The following RAB3C variants were observed in gnomAD, a reference collection of about 807,000 sequenced individuals.
RAB3C encodes the protein RAB3C, member RAS oncogene family, also known as ras-related protein Rab-3C.
A neutral mutation model predicts 26.4 loss-of-function variants in RAB3C; 17 were observed. The observed-to-expected ratio is 0.64, with a 90% CI of 0.44 to 0.97. The LOEUF (loss-of-function observed/expected upper bound fraction) is 0.97. Ranked by LOEUF, RAB3C falls within the 50% of genes least tolerant of loss-of-function variation. The pLI is 0.00. For missense variants in RAB3C, 242 were observed against 281.9 expected, an observed-to-expected ratio of 0.86 and a Z score of 1.01; for synonymous variants, 91 against 95.9, an observed-to-expected ratio of 0.95 and a Z score of 0.30.
At chr5:58,671,054 C>T (rs902654765) in intron 2 of RAB3C, among the ~76,000 whole-genome samples, 2 of 152,014 alleles carry the variant, frequency 1.3e-5, no homozygotes, top group Non-Finnish European at 2.9e-5. Flanking sequence ...TGTAAAGTGG[C>T]CAGATTGAAT....
chr5:58,642,384 T>G (rs1339272263), intron 2 of RAB3C, among the ~76,000 whole-genome samples: 10 of 152,214 alleles, frequency 6.6e-5, no homozygotes, highest in Non-Finnish European at 1.3e-4. Context: ...ACCTGAGCTT[T>G]CTTTCTCTCT....
At chr5:58,696,124 T>C (rs1293167756) in intron 2 of RAB3C, among the ~76,000 whole-genome samples, 1 of 152,242 alleles carries the variant, frequency 6.6e-6, no homozygotes, top group African/African-American at 2.4e-5. Context: ...TAAGAATTTT[T>C]AGCAGGAAGA....
At chr5:58,845,046 C>T (rs2675377) in intron 4 of RAB3C, among the ~76,000 whole-genome samples, 79,216 of 152,016 alleles carry the variant, frequency 0.52, 21,160 homozygotes, top group Middle Eastern at 0.68. Flanking sequence ...GTGTGCAATA[C>T]TGTGATTGTG....
At chr5:58,585,878 G>A (rs1435192256) in intron 1 of RAB3C, among the ~76,000 whole-genome samples, 4 of 151,994 alleles carry the variant, frequency 2.6e-5, no homozygotes, top group Non-Finnish European at 5.9e-5. Context: ...ATAGCATTTG[G>A]TAAGTGTCCC....
intron 3 of RAB3C, among the ~76,000 whole-genome samples, chr5:58,789,899 C>T (rs902518845): frequency 6.6e-6 from 1 of 152,160 alleles, no homozygotes; most frequent in Non-Finnish European, 1.5e-5. Context: ...GTTGGTTGCA[C>T]ATTTTACCAA....
chr5:58,795,813 G>C (rs551845603), intron 3 of RAB3C, among the ~76,000 whole-genome samples: 1 of 151,594 alleles, frequency 6.6e-6, no homozygotes, highest in Non-Finnish European at 1.5e-5. Flanking sequence ...GGGCAGAAGT[G>C]TGGGCATAAG....
At chr5:58,772,637 T>TA (rs1171996550) in intron 3 of RAB3C, among the ~76,000 whole-genome samples, 2 of 152,204 alleles carry the variant, frequency 1.3e-5, no homozygotes, top group Non-Finnish European at 2.9e-5. Flanking sequence ...TTTTGATTTT[T>TA]ATCTTATTTC....
At chr5:58,597,038 T>C (rs1208946338) in intron 1 of RAB3C, among the ~76,000 whole-genome samples, 2 of 97,842 alleles carry the variant, frequency 2.0e-5, no homozygotes, top group Non-Finnish European at 3.5e-5. Context: ...ACATAATATA[T>C]ATTATATAAT....
chr5:58,603,197 G>A (rs1030549783), intron 1 of RAB3C, among the ~76,000 whole-genome samples: 5 of 152,128 alleles, frequency 3.3e-5, no homozygotes, highest in Non-Finnish European at 1.5e-5. Flanking sequence ...TAATCTGATA[G>A]GTTTTCCTTT....
intron 2 of RAB3C, among the ~76,000 whole-genome samples, chr5:58,628,426 C>G (rs2111743312): frequency 6.6e-6 from 1 of 152,238 alleles, no homozygotes; most frequent in East Asian, 1.9e-4. Context: ...CTGAAGGGAA[C>G]AGAGAAAGAG....
In RAB3C at chr5:58,660,884, C is replaced by T. The variant is rs138545153; in HGVS notation, c.252+43014C>T. Among the ~76,000 whole-genome samples, 396 of 150,050 alleles carry T rather than the reference C, an allele frequency of 2.6e-3. 47 individuals are homozygous for T. Among genetic ancestry groups the T allele is most frequent in the African/African-American group, 9.0e-3 (357 of 39,476 alleles). The stretch of plus-strand genomic sequence containing the variant: ...AGTGAGACCTCACTATTGTCAAATC[C>T]CATTGGCAAGAGTGAGTCATAGGAC... On this transcript the variant is annotated intron_variant, in intron 2 of 4. Transcript: ENST00000282878.
intron 3 of RAB3C, among the ~76,000 whole-genome samples, chr5:58,739,497 A>G (rs1335139908): frequency 1.3e-5 from 2 of 152,284 alleles, no homozygotes; most frequent in East Asian, 1.9e-4. Context: ...AACCTCGCCT[A>G]TGTACCCCTT....
intron 2 of RAB3C, among the ~76,000 whole-genome samples, chr5:58,692,739 C>T (rs1303444530): frequency 6.6e-6 from 1 of 151,888 alleles, no homozygotes; most frequent in Non-Finnish European, 1.5e-5. Context: ...CAATTACTGT[C>T]TCCAAAATAA....
chr5:58,655,451 G>A (rs1314419142), intron 2 of RAB3C, among the ~76,000 whole-genome samples: 1 of 152,186 alleles, frequency 6.6e-6, no homozygotes, highest in Non-Finnish European at 1.5e-5. Context: ...ATCGCTCTTT[G>A]ATTGTCGTGT....
chr5:58,751,551 T>A (rs1741525375), intron 3 of RAB3C, among the ~76,000 whole-genome samples: 1 of 152,198 alleles, frequency 6.6e-6, no homozygotes, highest in Non-Finnish European at 1.5e-5. Flanking sequence ...ATAGACTCCT[T>A]GGCTTTATAA....
Position 58,802,827 on chromosome 5 carries a change from T to G in RAB3C, c.372-22211T>G, listed in dbSNP as rs116180046. ...ACAAGACATTGCCTTCTATTTCACT[T>G]CATAGGACAACTGGACTAAGCTAGG... On this transcript the variant is annotated intron_variant, in intron 3 of 4. Transcript: ENST00000282878. 2.7e-3 allele frequency among the ~76,000 whole-genome samples: 418 copies of G among 152,310 alleles called. 4 individuals are homozygous for G. Among genetic ancestry groups the G allele is most frequent in the African/African-American group, 9.9e-3 (410 of 41,568 alleles).
Position 58,825,070 on chromosome 5 carries a change from A to G in RAB3C, c.404A>G (p.Asn135Ser). Residue 135 changes from asparagine (N) to serine (S), a missense_variant, in exon 4 of 5, where the codon AAT (asparagine) becomes AGT (serine). Transcript: ENST00000282878. Reference protein sequence around the residue: ...STQIKTYSWDNAQVILVGNKC... With the variant: ...STQIKTYSWDSAQVILVGNKC... ...CAAATCAAAACATACTCTTGGGACA[A>G]TGCCCAAGTTATTCTGGTTGGGAAC... The G allele has an allele frequency of 6.2e-7, 1 of 1,613,138 alleles. No homozygotes were observed. The highest frequency in any genetic ancestry group is 8.5e-7 in the Non-Finnish European group (1 of 1,179,362).
At chr5:58,749,996 T>C (rs1007108291) in intron 3 of RAB3C, among the ~76,000 whole-genome samples, 2 of 152,196 alleles carry the variant, frequency 1.3e-5, no homozygotes, top group African/African-American at 4.8e-5. Flanking sequence ...TATTAATTTA[T>C]GTGTTAGCCA....
intron 2 of RAB3C, among the ~76,000 whole-genome samples, chr5:58,666,712 GCGGT>G (rs1313916696): frequency 6.6e-6 from 1 of 152,216 alleles, no homozygotes; most frequent in Non-Finnish European, 1.5e-5. Context: ...AGCCTGAGCT[GCGGT>G]CAGGGCAGGA....
Sources: gnomAD v4.1 joint callset for allele counts (sites outside exome capture counted in the v4.1 genomes callset) on GRCh38, gnomAD v4.1.1 for gene constraint, MANE v1.5 for transcripts, NCBI Gene and HGNC (gene_info 2026-07-23, HGNC 2026-07-21) for gene names.